RASGRF1: variants seen among roughly 807,000 people sequenced by gnomAD.
RASGRF1 encodes ras-specific guanine nucleotide-releasing factor 1.
In RASGRF1, 40 loss-of-function variants were observed where a neutral mutation model predicts 138.7. The ratio of observed to expected loss-of-function variants is 0.29; its 90% CI spans 0.22 to 0.38. The LOEUF (loss-of-function observed/expected upper bound fraction) is 0.38, where lower values mean the gene tolerates loss of function less well. Ranked by LOEUF, RASGRF1 falls within the 10% of genes least tolerant of loss-of-function variation. The pLI, the probability that RASGRF1 is intolerant of heterozygous loss-of-function variation, is 1.00. For missense variants in RASGRF1, 1,108 were observed against 1,650.4 expected, an observed-to-expected ratio of 0.67 and a Z score of 5.69; for synonymous variants, 614 against 663.2, an observed-to-expected ratio of 0.93 and a Z score of 1.14.
intron 24 of RASGRF1, 106 bp downstream of exon 24, chr15:78,980,510 AACAG>A (rs2056000593): frequency 1.6e-5 from 13 of 815,050 alleles, no homozygotes; most frequent in Admixed American, 1.1e-4. Flanking sequence ...TAGACAGACG[AACAG>A]ACAGACAGAA....
chr15:79,039,394 T>C (rs894408019), intron 5 of RASGRF1, among the ~76,000 whole-genome samples: 9 of 152,010 alleles, frequency 5.9e-5, no homozygotes, highest in Admixed American at 5.9e-4. Flanking sequence ...GGATTAGTCT[T>C]AGGTTGTTTT....
chr15:78,997,813 G>A, intron 19 of RASGRF1: 1 of 452,974 alleles, frequency 2.2e-6, no homozygotes, highest in Non-Finnish European at 4.0e-6. Flanking sequence ...GGCTAGACAG[G>A]GGTTAGCAGC....
At chr15:79,063,182 C>A (rs114940535) in intron 2 of RASGRF1, among the ~76,000 whole-genome samples, 1 of 152,140 alleles carries the variant, frequency 6.6e-6, no homozygotes, top group Non-Finnish European at 1.5e-5. Flanking sequence ...GATTAGACTG[C>A]GATATCCCTG....
At chr15:79,062,981 A>G (rs959176967) in intron 2 of RASGRF1, among the ~76,000 whole-genome samples, 2 of 152,040 alleles carry the variant, frequency 1.3e-5, no homozygotes, top group African/African-American at 2.4e-5. Context: ...GAGCATTTCA[A>G]TGCTACCAAT....
chr15:79,018,453 T>A (rs1453428558), intron 11 of RASGRF1, among the ~76,000 whole-genome samples: 1 of 152,240 alleles, frequency 6.6e-6, no homozygotes, highest in Non-Finnish European at 1.5e-5. Context: ...TCTTGAAAGC[T>A]GTTTATTTGG....
intron 25 of RASGRF1, among the ~76,000 whole-genome samples, chr15:78,972,953 C>T (rs150704152): frequency 6.8e-4 from 104 of 152,296 alleles, no homozygotes; most frequent in Non-Finnish European, 1.3e-3. Flanking sequence ...GACCCGGGCT[C>T]CAGACCTGGC....
At chr15:79,038,558 T>A (rs2057253428) in intron 5 of RASGRF1, among the ~76,000 whole-genome samples, 1 of 152,208 alleles carries the variant, frequency 6.6e-6, no homozygotes, top group African/African-American at 2.4e-5. Flanking sequence ...ATATTGGCCA[T>A]TTGTATTTCT....
intron 1 of RASGRF1, among the ~76,000 whole-genome samples, chr15:79,069,118 G>A (rs1421491083): frequency 6.6e-6 from 1 of 152,170 alleles, no homozygotes; most frequent in East Asian, 1.9e-4. Flanking sequence ...ACTGCTCAGG[G>A]CCAGGGCTTG....
chr15:78,999,596 T>G, intron 17 of RASGRF1, 147 bp downstream of exon 17: 1 of 865,252 alleles, frequency 1.2e-6, no homozygotes, highest in Non-Finnish European at 1.8e-6. Context: ...TCCCCGAGGG[T>G]GGGTGCTTTA....
chr15:79,060,235 C>G (rs2057585390), intron 2 of RASGRF1, among the ~76,000 whole-genome samples: 1 of 152,190 alleles, frequency 6.6e-6, no homozygotes, highest in Non-Finnish European at 1.5e-5. Flanking sequence ...GCGACCATCA[C>G]TGTATCACTC....
chr15:79,038,626 C>G (rs1041611920), intron 5 of RASGRF1, among the ~76,000 whole-genome samples: 1 of 152,088 alleles, frequency 6.6e-6, no homozygotes, highest in African/African-American at 2.4e-5. Context: ...AATCTTCTCT[C>G]TTATTAATTT....
chr15:78,974,405 G>T (rs986955527), intron 24 of RASGRF1, among the ~76,000 whole-genome samples: 1 of 152,198 alleles, frequency 6.6e-6, no homozygotes, highest in African/African-American at 2.4e-5. Flanking sequence ...CTGGAGGAAG[G>T]TGAGGCCGGG....
At chr15:79,072,526 C>T (rs2057775889) in intron 1 of RASGRF1, among the ~76,000 whole-genome samples, 2 of 152,072 alleles carry the variant, frequency 1.3e-5, no homozygotes, top group African/African-American at 2.4e-5. Flanking sequence ...CCGCCCGCCT[C>T]GGCCTCCCAA....
chr15:79,047,781 G>A (rs946862807), intron 4 of RASGRF1, among the ~76,000 whole-genome samples: 2 of 152,144 alleles, frequency 1.3e-5, no homozygotes, highest in African/African-American at 2.4e-5. Context: ...TCCAATCAAG[G>A]GGCCTCTGAG....
intron 4 of RASGRF1, among the ~76,000 whole-genome samples, chr15:79,047,252 A>G (rs1252328235): frequency 6.6e-6 from 1 of 152,072 alleles, no homozygotes; most frequent in East Asian, 1.9e-4. Context: ...CTAGACTGAA[A>G]GTGTGGTCCA....
chr15:79,035,064 C>G, intron 6 of RASGRF1, 67 bp downstream of exon 6: 2 of 1,401,460 alleles, frequency 1.4e-6, no homozygotes, highest in Non-Finnish European at 2.0e-6. Context: ...CAAAACTGCC[C>G]CAGGCTTTTG....
Position 78,985,217 on chromosome 15 carries a change from G to T in RASGRF1, c.3217-13C>A, listed in dbSNP as rs200705194. Reference sequence around the variant, plus strand: ...TCAAGTTACTGATCTTTAAGCCGATGCAATAAGACAGGGAAAAAGAGGAGT... The same window carrying T: ...TCAAGTTACTGATCTTTAAGCCGATTCAATAAGACAGGGAAAAAGAGGAGT... On this transcript the variant is annotated splice_polypyrimidine_tract_variant and intron_variant, in intron 22 of 26. Coordinates refer to ENST00000558480, the MANE Select transcript of RASGRF1 (RefSeq NM_001145648.3). The T allele has an allele frequency of 1.1e-5, 17 of 1,570,022 alleles. No individual in the cohort carries two copies. The highest frequency in any genetic ancestry group is 1.5e-5 in the Non-Finnish European group (17 of 1,141,150).
intron 24 of RASGRF1, among the ~76,000 whole-genome samples, chr15:78,974,649 G>A (rs2055838303): frequency 6.6e-6 from 1 of 152,278 alleles, no homozygotes; most frequent in South Asian, 2.1e-4. Context: ...TGCTCAGGGA[G>A]AGCGCCTCAT....
rs147371916 is a variant in RASGRF1 at position 78,973,268 on chromosome 15, G to C, written c.3612+35C>G. The C allele has an allele frequency of 3.0e-5, 46 of 1,513,766 alleles. 1 individual carries two copies. In the South Asian group the frequency reaches 5.4e-4, roughly 18 times the overall value. 93.8% of individuals were successfully genotyped at this position (1,513,766 alleles called of 1,614,324 possible). ...CAGGTTGAGTCATCTGGGCTTCAAC[G>C]CCCCCCTTCCCCTGCCTGGCTGGGG... is the stretch of plus-strand genomic sequence containing the variant. On this transcript the variant is annotated intron_variant, in intron 25 of 26. Coordinates refer to ENST00000558480, the MANE Select transcript of RASGRF1 (RefSeq NM_001145648.3). This position sits in a 1 kb window ranked among gnomAD's most constrained non-coding sequence, Gnocchi z 4.9.
Sources: gnomAD v4.1 joint callset for allele counts (sites outside exome capture counted in the v4.1 genomes callset) on GRCh38, gnomAD v4.1.1 for gene constraint, Gnocchi (gnomAD v3.1) non-coding constraint, MANE v1.5 for transcripts, NCBI Gene and HGNC (gene_info 2026-07-23, HGNC 2026-07-21) for gene names.